The following PHF24 variants were observed in gnomAD, a reference collection of about 807,000 sequenced individuals.
The protein encoded by PHF24 is Galpha inhibitory interacting protein.
A neutral mutation model predicts 42.6 loss-of-function variants in PHF24; 25 were observed. The observed-to-expected ratio is 0.59, with a 90% CI of 0.43 to 0.82. The LOEUF (loss-of-function observed/expected upper bound fraction) is 0.82. Among genes scored for constraint, PHF24 ranks in the 40% least tolerant of loss-of-function variants. The probability of loss-of-function intolerance (pLI) is 0.00; values close to 1 mark genes in which losing one functional copy is unlikely to be tolerated. For missense variants in PHF24, 470 were observed against 538.1 expected, an observed-to-expected ratio of 0.87 and a Z score of 1.25; for synonymous variants, 185 against 204.8, an observed-to-expected ratio of 0.90 and a Z score of 0.83.
At chr9:34,853,387 C>T in the PHF24 span, among the ~76,000 whole-genome samples, 6 of 152,092 alleles carry the variant, frequency 3.9e-5, no homozygotes, top group African/African-American at 9.7e-5. Flanking sequence ...AGGATTTTTG[C>T]GTTGACGTTC....
chr9:34,740,304 G>A, the PHF24 span, among the ~76,000 whole-genome samples: 2 of 152,226 alleles, frequency 1.3e-5, no homozygotes, highest in Non-Finnish European at 2.9e-5. Flanking sequence ...TAGTCAGGGA[G>A]GCTTGGGCCG....
At chr9:34,882,180 T>G in the PHF24 span, among the ~76,000 whole-genome samples, 2 of 152,148 alleles carry the variant, frequency 1.3e-5, no homozygotes, top group South Asian at 2.1e-4. Flanking sequence ...TGCTAAAAAC[T>G]CTCAATAAAT....
the PHF24 span, among the ~76,000 whole-genome samples, chr9:34,878,275 C>T: frequency 1.3e-5 from 2 of 152,118 alleles, no homozygotes; most frequent in African/African-American, 2.4e-5. Flanking sequence ...AATAGGAACA[C>T]CTCCAGTCTA....
the PHF24 span, among the ~76,000 whole-genome samples, chr9:34,927,487 T>C: frequency 2.0e-5 from 3 of 152,156 alleles, no homozygotes; most frequent in African/African-American, 4.8e-5. Context: ...TCTGGAGCAA[T>C]GTAGCTGCTT....
chr9:34,796,424 A>ATTT, the PHF24 span, among the ~76,000 whole-genome samples: 4 of 151,792 alleles, frequency 2.6e-5, no homozygotes, highest in East Asian at 3.9e-4. Context: ...AAAAAATTTA[A>ATTT]AAAAAAACAA....
chr9:34,829,086 G>C, the PHF24 span, among the ~76,000 whole-genome samples: 2 of 152,180 alleles, frequency 1.3e-5, no homozygotes. Flanking sequence ...GCAGTAGAGA[G>C]AGTGAGAAGT....
At chr9:34,871,050 A>G in the PHF24 span, among the ~76,000 whole-genome samples, 2 of 152,144 alleles carry the variant, frequency 1.3e-5, no homozygotes, top group Non-Finnish European at 1.5e-5. Flanking sequence ...TGTTTGTGCT[A>G]TTTTCCTACC....
chr9:34,977,332 T>C (rs1264361577), intron 6 of PHF24, 89 bp downstream of exon 6: 1 of 1,461,082 alleles, frequency 6.8e-7, no homozygotes, highest in Non-Finnish European at 9.3e-7. Context: ...CTGCTCCCCC[T>C]GCCAACAGCC....
the PHF24 span, among the ~76,000 whole-genome samples, chr9:34,894,791 A>G: frequency 6.6e-6 from 1 of 152,222 alleles, no homozygotes; most frequent in African/African-American, 2.4e-5. Flanking sequence ...AGTAAATGAC[A>G]GAGTTGAGGA....
chr9:34,833,113 C>T, the PHF24 span: 1 of 1,551,434 alleles, frequency 6.4e-7, no homozygotes, highest in African/African-American at 1.4e-5. Flanking sequence ...ACCCCGCATC[C>T]CCTTCTCTGT....
the PHF24 span, among the ~76,000 whole-genome samples, chr9:34,824,437 A>G: frequency 6.6e-6 from 1 of 152,164 alleles, no homozygotes; most frequent in Non-Finnish European, 1.5e-5. Context: ...TTACAGTTAG[A>G]GTTAGAATTA....
the PHF24 span, among the ~76,000 whole-genome samples, chr9:34,945,540 C>T: frequency 1.9e-3 from 288 of 152,260 alleles, 1 homozygote; most frequent in African/African-American, 6.7e-3. Context: ...AATTTAATTG[C>T]CATTGTGACG....
the PHF24 span, among the ~76,000 whole-genome samples, chr9:34,886,810 C>CTATG: frequency 7.8e-4 from 75 of 96,324 alleles, no homozygotes; most frequent in African/African-American, 2.5e-3. Flanking sequence ...ATCTATGTAT[C>CTATG]TATCTATGTA....
At chr9:34,885,011 G>A in the PHF24 span, among the ~76,000 whole-genome samples, 7 of 152,158 alleles carry the variant, frequency 4.6e-5, no homozygotes, top group South Asian at 2.1e-4. Flanking sequence ...CATTAACCCC[G>A]GATTCCCACT....
chr9:34,667,891 T>C, the PHF24 span, among the ~76,000 whole-genome samples: 7 of 152,040 alleles, frequency 4.6e-5, no homozygotes, highest in African/African-American at 1.7e-4. Flanking sequence ...AGGGGCTTCC[T>C]TGTGGGAGGG....
chr9:34,704,836 A>C, the PHF24 span, among the ~76,000 whole-genome samples: 2 of 152,184 alleles, frequency 1.3e-5, no homozygotes, highest in Non-Finnish European at 2.9e-5. Flanking sequence ...CCCTATCTCA[A>C]AAAAGGAGCA....
chr9:34,903,330 G>A, the PHF24 span, among the ~76,000 whole-genome samples: 5 of 152,150 alleles, frequency 3.3e-5, no homozygotes. Context: ...GAGCCCGGGT[G>A]GCCAAGGCAG....
the PHF24 span, among the ~76,000 whole-genome samples, chr9:34,727,861 C>T: frequency 6.6e-6 from 1 of 152,144 alleles, no homozygotes; most frequent in African/African-American, 2.4e-5. Flanking sequence ...ACATGTGAAC[C>T]CCACTCTTCC....
the PHF24 span, among the ~76,000 whole-genome samples, chr9:34,907,458 G>A: frequency 5.6e-4 from 85 of 152,158 alleles, 2 homozygotes; most frequent in South Asian, 0.017. Flanking sequence ...GCTTTTTGTC[G>A]GTTGATTTTC....
Sources: gnomAD v4.1 joint callset for allele counts (sites outside exome capture counted in the v4.1 genomes callset) on GRCh38, gnomAD v4.1.1 for gene constraint, MANE v1.5 for transcripts, NCBI Gene and HGNC (gene_info 2026-07-23, HGNC 2026-07-21) for gene names.